The following PLCB1 variants were observed in gnomAD, a reference collection of about 807,000 sequenced individuals.
PLCB1 encodes 1-phosphatidylinositol 4,5-bisphosphate phosphodiesterase beta-1.
PLCB1 carries 46 observed loss-of-function variants against 161.8 expected under a neutral mutation model. That is an observed-to-expected ratio of 0.28 (90% CI 0.22 to 0.36). The LOEUF (loss-of-function observed/expected upper bound fraction) is 0.36, where lower values mean the gene tolerates loss of function less well. PLCB1 is among the 10% of genes least tolerant of loss of function. The pLI is 1.00. For missense variants in PLCB1, 1,016 were observed against 1,472.5 expected (o/e 0.69, Z 5.07); for synonymous variants, 517 against 503.7 (o/e 1.03, Z -0.35).
intron 3 of PLCB1, among the ~76,000 whole-genome samples, chr20:8,473,968 A>C (rs963632623): frequency 6.6e-6 from 1 of 152,192 alleles, no homozygotes; most frequent in Non-Finnish European, 1.5e-5. Context: ...TGCCTCTAAG[A>C]AATCTTATTG....
At chr20:8,305,615 C>G (rs1984097406) in intron 2 of PLCB1, 2 of 152,138 alleles carry the variant, frequency 1.3e-5, no homozygotes, top group Non-Finnish European at 2.9e-5. Context: ...CTCAGCCCTG[C>G]TAGTCGCGAC....
chr20:8,293,049 CAG>C (rs1202334736), intron 2 of PLCB1, among the ~76,000 whole-genome samples: 2 of 151,970 alleles, frequency 1.3e-5, no homozygotes, highest in Non-Finnish European at 2.9e-5. Flanking sequence ...TTTTTGGTCA[CAG>C]TGTGATTTGA....
chr20:8,654,722 G>T (rs1989407317), intron 7 of PLCB1, among the ~76,000 whole-genome samples: 1 of 151,960 alleles, frequency 6.6e-6, no homozygotes, highest in African/African-American at 2.4e-5. Flanking sequence ...TTAGACCTTG[G>T]ATTTCCTCCT....
intron 3 of PLCB1, among the ~76,000 whole-genome samples, chr20:8,461,898 T>C (rs1264361117): frequency 6.6e-6 from 1 of 152,184 alleles, no homozygotes; most frequent in East Asian, 1.9e-4. Context: ...TTCATAACTC[T>C]ATCTCATCTT....
intron 26 of PLCB1, among the ~76,000 whole-genome samples, chr20:8,769,473 A>G (rs944688026): frequency 1.3e-5 from 2 of 152,148 alleles, no homozygotes; most frequent in Non-Finnish European, 2.9e-5. Context: ...TTTCTATACT[A>G]TAGTATATAA....
intron 3 of PLCB1, among the ~76,000 whole-genome samples, chr20:8,407,786 G>C (rs1978851121): frequency 6.6e-6 from 1 of 152,038 alleles, no homozygotes; most frequent in Non-Finnish European, 1.5e-5. Context: ...TGTAACCTTG[G>C]TGTGATGTAA....
At chr20:8,411,036 A>G (rs983333184) in intron 3 of PLCB1, among the ~76,000 whole-genome samples, 6 of 152,206 alleles carry the variant, frequency 3.9e-5, no homozygotes, top group Non-Finnish European at 5.9e-5. Flanking sequence ...TTGAGAGTCA[A>G]TGTCTGTTCT....
chr20:8,771,872 C>CGTT (rs1982698672), intron 26 of PLCB1, among the ~76,000 whole-genome samples: 1 of 149,896 alleles, frequency 6.7e-6, no homozygotes, highest in African/African-American at 2.5e-5. Context: ...TTCCTTCCTT[C>CGTT]CTTCGTTCCT....
At chr20:8,511,176 A>G (rs1488771019) in intron 3 of PLCB1, among the ~76,000 whole-genome samples, 1 of 151,890 alleles carries the variant, frequency 6.6e-6, no homozygotes, top group African/African-American at 2.4e-5. Flanking sequence ...TACTTCTGTA[A>G]GTTTGATTTT....
At chr20:8,818,207 T>A (rs1375108558) in intron 31 of PLCB1, among the ~76,000 whole-genome samples, 1 of 152,218 alleles carries the variant, frequency 6.6e-6, no homozygotes, top group East Asian at 1.9e-4. Context: ...ATAGTGTATT[T>A]TAAACAATGC....
At chr20:8,500,570 G>T (rs2122810763) in intron 3 of PLCB1, among the ~76,000 whole-genome samples, 1 of 152,246 alleles carries the variant, frequency 6.6e-6, no homozygotes, top group Admixed American at 6.5e-5. Flanking sequence ...TTCTGTCATT[G>T]GGAAGTCAGA....
intron 3 of PLCB1, among the ~76,000 whole-genome samples, chr20:8,459,785 G>A (rs1212539928): frequency 1.3e-5 from 2 of 152,180 alleles, no homozygotes; most frequent in Non-Finnish European, 2.9e-5. Flanking sequence ...GCAAATCACC[G>A]CTTTGCATGG....
chr20:8,407,503 T>G (rs1978836527), intron 3 of PLCB1, among the ~76,000 whole-genome samples: 1 of 152,156 alleles, frequency 6.6e-6, no homozygotes, highest in Non-Finnish European at 1.5e-5. Context: ...TCTTACATGG[T>G]GGCGGCAAGA....
chr20:8,574,481 C>G (rs920761773), intron 3 of PLCB1, among the ~76,000 whole-genome samples: 3 of 152,152 alleles, frequency 2.0e-5, no homozygotes, highest in African/African-American at 7.2e-5. Context: ...AACAGAAATA[C>G]TAAGTGTTTA....
intron 3 of PLCB1, among the ~76,000 whole-genome samples, chr20:8,518,173 T>C (rs1245474390): frequency 6.8e-6 from 1 of 147,218 alleles, no homozygotes; most frequent in Non-Finnish European, 1.5e-5. Context: ...AGAGGGAGAC[T>C]CTGTCTCAAA....
chr20:8,720,150 G>C (rs6086562), intron 14 of PLCB1, among the ~76,000 whole-genome samples: 136,816 of 152,264 alleles, frequency 0.9, 61,498 homozygotes, highest in East Asian at 0.99. Context: ...AACTCTATCC[G>C]TTGAATGATA....
chr20:8,430,439 C>T (rs1230141722), intron 3 of PLCB1, among the ~76,000 whole-genome samples: 1 of 149,826 alleles, frequency 6.7e-6, no homozygotes, highest in Non-Finnish European at 1.5e-5. Flanking sequence ...TAAGCTGATG[C>T]ATCAGGAGAC....
At chr20:8,634,823 G>T (rs1172883146) in intron 4 of PLCB1, among the ~76,000 whole-genome samples, 1 of 152,134 alleles carries the variant, frequency 6.6e-6, no homozygotes, top group Non-Finnish European at 1.5e-5. Context: ...CTACCCTCAG[G>T]TACTGATGAT....
intron 23 of PLCB1, among the ~76,000 whole-genome samples, chr20:8,756,208 A>T (rs886294057): frequency 6.6e-6 from 1 of 152,186 alleles, no homozygotes; most frequent in African/African-American, 2.4e-5. Flanking sequence ...TAAGTACTTT[A>T]TAAGTATTAA....
Sources: gnomAD v4.1 joint callset for allele counts (sites outside exome capture counted in the v4.1 genomes callset) on GRCh38, gnomAD v4.1.1 for gene constraint, MANE v1.5 for transcripts, NCBI Gene and HGNC (gene_info 2026-07-23, HGNC 2026-07-21) for gene names.